The following CPED1 variants were observed in gnomAD, a reference collection of about 807,000 sequenced individuals.
CPED1 encodes cadherin-like and PC-esterase domain-containing protein 1.
Under a neutral mutation model 128.2 loss-of-function variants are expected in CPED1, and 114 were observed. The ratio of observed to expected loss-of-function variants is 0.89; its 90% CI spans 0.76 to 1.04. The LOEUF (loss-of-function observed/expected upper bound fraction) is 1.04, where lower values mean the gene tolerates loss of function less well. Among genes scored for constraint, CPED1 ranks in the 50% least tolerant of loss-of-function variants. The pLI is 0.00. For synonymous variants in CPED1, 462 were observed against 426.7 expected, an observed-to-expected ratio of 1.08 and a Z score of -1.02; for missense variants, 1,211 against 1,207.1, an observed-to-expected ratio of 1.00 and a Z score of -0.05.
intron 22 of CPED1, among the ~76,000 whole-genome samples, chr7:121,284,859 T>C (rs1792534498): frequency 6.6e-6 from 1 of 152,190 alleles, no homozygotes; most frequent in African/African-American, 2.4e-5. Flanking sequence ...AAGCTGTTGG[T>C]GGATCTACCA....
intron 20 of CPED1, 68 bp downstream of exon 20, chr7:121,266,876 G>A (rs1487661744): frequency 9.4e-7 from 1 of 1,059,030 alleles, no homozygotes; most frequent in Non-Finnish European, 1.5e-6. Context: ...ATGTGACTGA[G>A]TTTTATCCAG....
At chr7:121,194,046 ATATTTT>A (rs1393938530) in intron 16 of CPED1, among the ~76,000 whole-genome samples, 30 of 52,968 alleles carry the variant, frequency 5.7e-4, no homozygotes, top group African/African-American at 2.1e-3. Context: ...ATATATATAT[ATATTTT>A]TTTTTTTTTT....
intron 16 of CPED1, among the ~76,000 whole-genome samples, chr7:121,188,930 A>G (rs1395955091): frequency 1.3e-5 from 2 of 152,022 alleles, no homozygotes; most frequent in African/African-American, 2.4e-5. Context: ...TGAGTATTAG[A>G]CTCTGCCAGG....
At chr7:121,023,441 G>T (rs1467666304) in intron 3 of CPED1, among the ~76,000 whole-genome samples, 1 of 152,142 alleles carries the variant, frequency 6.6e-6, no homozygotes, top group East Asian at 1.9e-4. Flanking sequence ...GCAACTCTGG[G>T]TTGCTGTATT....
rs751856852 is a variant in CPED1, at chr7:121,271,264, T to C, written c.2722-20T>C. On this transcript the variant is annotated intron_variant, in intron 21 of 22. Transcript: ENST00000310396. ...AATCCTCTGGTAATAAAAATTCTCA[T>C]TCTTCTGCTTTCCAATCAGAGTGAA... 4.4e-6 allele frequency: 7 copies of C among 1,588,142 alleles called. No homozygotes were observed. The Admixed American group carries it at 8.7e-5, about 20-fold the overall frequency.
At chr7:121,229,496 A>G (rs1465866055) in intron 16 of CPED1, among the ~76,000 whole-genome samples, 1 of 119,766 alleles carries the variant, frequency 8.3e-6, no homozygotes, top group East Asian at 5.3e-4. Flanking sequence ...TTATAGATTG[A>G]TTTTCGTAGT....
intron 22 of CPED1, among the ~76,000 whole-genome samples, chr7:121,293,579 C>T (rs900841613): frequency 1.3e-5 from 2 of 152,178 alleles, no homozygotes; most frequent in Admixed American, 6.5e-5. Flanking sequence ...GCAGCTAGCT[C>T]AGTGTGTGCC....
Position 121,112,505 on chromosome 7 carries a change from C to T in CPED1, c.919-11826C>T, listed in dbSNP as rs555819798. On this transcript the variant is annotated intron_variant, in intron 7 of 22. Transcript: ENST00000310396. ...AACAACCAGAAGCGGAAAGAGGCAA[C>T]GAATGAATTGTCCCTAACAGCTTTA... Among the ~76,000 whole-genome samples the T allele has an allele frequency of 3.9e-5, 6 of 152,218 alleles. No individual in the cohort carries two copies. The South Asian group carries it at 8.3e-4, about 21-fold the overall frequency.
In CPED1 at chr7:121,091,018, A is replaced by G. The variant is rs1382661169; in HGVS notation, c.617-6681A>G. On this transcript the variant is annotated intron_variant, in intron 5 of 22. Coordinates refer to ENST00000310396, the MANE Select transcript of CPED1 (RefSeq NM_024913.5). ...TACAGATCCCCAAATTATATTATTT[A>G]AGCTGAAGTGTAGGTCTGAAATAGT... 2.0e-5 allele frequency among the ~76,000 whole-genome samples: 3 copies of G among 152,160 alleles called. No individual in the cohort carries two copies. In the East Asian group the frequency reaches 5.8e-4, roughly 29 times the overall value.
In CPED1 at chr7:121,026,822, C is replaced by A. The variant is rs1792599021; in HGVS notation, c.433+10974C>A. 4.6e-5 allele frequency among the ~76,000 whole-genome samples: 6 copies of A among 130,434 alleles called. No homozygotes were observed. The South Asian group carries it at 1.6e-3, about 34-fold the overall frequency. 85.6% of individuals were successfully genotyped at this position (130,434 alleles called of 152,430 possible). On this transcript the variant is annotated intron_variant, in intron 3 of 22. Transcript: ENST00000310396. ...TTTGTTTCCTAGAGCTCCCTCCTGT[C>A]AGTTCTTTTTTTTTTTTTTTTTTTT...
chr7:121,059,664 A>G (rs1161118435), intron 4 of CPED1, among the ~76,000 whole-genome samples: 1 of 149,046 alleles, frequency 6.7e-6, no homozygotes, highest in Non-Finnish European at 1.5e-5. Flanking sequence ...ATTTATAAGC[A>G]CTCCATAAAT....
At chr7:121,077,944 C>T (rs938549848) in intron 5 of CPED1, among the ~76,000 whole-genome samples, 3 of 151,862 alleles carry the variant, frequency 2.0e-5, no homozygotes, top group Non-Finnish European at 2.9e-5. Flanking sequence ...TAGAATTTAC[C>T]TTGCTCGGTT....
chr7:121,023,810 A>T (rs1306734726), intron 3 of CPED1, among the ~76,000 whole-genome samples: 5 of 152,074 alleles, frequency 3.3e-5, no homozygotes, highest in Non-Finnish European at 7.4e-5. Context: ...CCAGCACCCT[A>T]CTGCTTTCCT....
chr7:121,064,185 G>A (rs1793763433), intron 4 of CPED1, 53 bp from the exon 5 acceptor site: 3 of 1,241,668 alleles, frequency 2.4e-6, no homozygotes, highest in Admixed American at 3.4e-5. Context: ...GCTTGGTTTT[G>A]CTTTAGCGTT....
chr7:121,105,875 A>G (rs1431900223), intron 7 of CPED1, among the ~76,000 whole-genome samples: 2 of 152,160 alleles, frequency 1.3e-5, no homozygotes, highest in African/African-American at 2.4e-5. Context: ...CATTTTGTAC[A>G]TTCGTTAATT....
At chr7:121,112,430 G>A (rs1040629289) in intron 7 of CPED1, among the ~76,000 whole-genome samples, 13 of 151,936 alleles carry the variant, frequency 8.6e-5, no homozygotes, top group African/African-American at 3.1e-4. Context: ...TCACTCATGT[G>A]AAGATGAAGA....
At chr7:121,109,097 C>T (rs886162987) in intron 7 of CPED1, among the ~76,000 whole-genome samples, 1 of 152,022 alleles carries the variant, frequency 6.6e-6, no homozygotes, top group South Asian at 2.1e-4. Context: ...AACTGGAATT[C>T]CTTTAAATTA....
chr7:121,036,384 C>T (rs1169598819), intron 3 of CPED1, among the ~76,000 whole-genome samples: 1 of 151,886 alleles, frequency 6.6e-6, no homozygotes. Context: ...TGGTTTTCCT[C>T]CTGAGTTACT....
chr7:121,274,896 A>G (rs1792301959), intron 22 of CPED1, among the ~76,000 whole-genome samples: 1 of 152,172 alleles, frequency 6.6e-6, no homozygotes, highest in African/African-American at 2.4e-5. Flanking sequence ...ATGTCTAAAA[A>G]GTTAAAGGGC....
Sources: allele counts gnomAD v4.1 joint callset (sites outside exome capture counted in the v4.1 genomes callset), GRCh38; gene constraint gnomAD v4.1.1; transcripts MANE v1.5; gene names NCBI Gene and HGNC (gene_info 2026-07-23, HGNC 2026-07-21).